ADGRL2: variants seen among roughly 807,000 people sequenced by gnomAD.
ADGRL2 encodes the protein calcium-independent alpha-latrotoxin receptor 2.
In ADGRL2, 44 loss-of-function variants were observed where a neutral mutation model predicts 157.4. The ratio of observed to expected loss-of-function variants is 0.28; its 90% CI spans 0.22 to 0.36. The LOEUF (loss-of-function observed/expected upper bound fraction) is 0.36. Ranked by LOEUF, ADGRL2 falls within the 10% of genes least tolerant of loss-of-function variation. The pLI is 1.00. For synonymous variants in ADGRL2, 585 were observed against 624.7 expected (o/e 0.94, Z 0.95); for missense variants, 1,510 against 1,768.9 (o/e 0.85, Z 2.63).
At chr1:81,644,370 T>C (rs12117862) in intron 3 of ADGRL2, among the ~76,000 whole-genome samples, 17,732 of 152,160 alleles carry the variant, frequency 0.12, 1,117 homozygotes, top group Middle Eastern at 0.16. Flanking sequence ...ATTGATAAAG[T>C]GGACTTCATT....
chr1:81,564,493 C>G (rs567567978), intron 2 of ADGRL2, among the ~76,000 whole-genome samples: 1 of 152,088 alleles, frequency 6.6e-6, no homozygotes, highest in Non-Finnish European at 1.5e-5. Flanking sequence ...ATCTATTGGC[C>G]GGAGCCTCCC....
intron 2 of ADGRL2, among the ~76,000 whole-genome samples, chr1:81,536,002 A>T (rs1273621914): frequency 6.6e-6 from 1 of 152,240 alleles, no homozygotes; most frequent in African/African-American, 2.4e-5. Flanking sequence ...ATTTACACAG[A>T]TTCAATCATG....
chr1:81,536,571 C>T (rs1343826957), intron 2 of ADGRL2, among the ~76,000 whole-genome samples: 3 of 152,172 alleles, frequency 2.0e-5, no homozygotes, highest in Admixed American at 6.5e-5. Context: ...TGCTTTGACT[C>T]TCAGAAACTC....
In ADGRL2 at chr1:81,943,453, C is replaced by T. The variant is rs1226999994; in HGVS notation, c.894C>T (p.Tyr298=). The change falls in exon 6 of 24, where the codon TAC becomes TAT. Residue 298 remains tyrosine, a synonymous_variant. Coordinates refer to ENST00000686636, the MANE Select transcript of ADGRL2 (RefSeq NM_001366006.2). This position sits in a 1 kb window ranked among gnomAD's most constrained non-coding sequence, Gnocchi z 5.6. ...TAGTTATTAGCCAGCTGAATCCATA[C>T]ACTCTTCGATTTGAAGCAACGTGGG... ...GMIVISQLNP[Y]TLRFEATWET... 6.2e-7 allele frequency: 1 copy of T among 1,613,582 alleles called. No homozygotes were observed. The highest frequency in any genetic ancestry group is 8.5e-7 in the Non-Finnish European group (1 of 1,179,752).
At chr1:81,581,675 A>C (rs891131790) in intron 3 of ADGRL2, among the ~76,000 whole-genome samples, 1 of 152,158 alleles carries the variant, frequency 6.6e-6, no homozygotes, top group African/African-American at 2.4e-5. Context: ...AAAATCTCTA[A>C]TATTACATGA....
chr1:81,355,087 A>G (rs1347917099), intron 1 of ADGRL2, among the ~76,000 whole-genome samples: 2 of 152,198 alleles, frequency 1.3e-5, no homozygotes, highest in African/African-American at 4.8e-5. Context: ...GTTTTAATAA[A>G]TCCCAATGTT....
chr1:81,503,149 C>A (rs1180743030), intron 2 of ADGRL2: 9 of 1,614,138 alleles, frequency 5.6e-6, no homozygotes, highest in Non-Finnish European at 7.6e-6. Flanking sequence ...GGCCTTCCAG[C>A]GCAACTTTTT....
chr1:81,403,277 G>C (rs1345588491), intron 1 of ADGRL2, among the ~76,000 whole-genome samples: 2 of 148,810 alleles, frequency 1.3e-5, no homozygotes, highest in Admixed American at 6.7e-5. Flanking sequence ...TTTGTTTTTT[G>C]TTTTTGAGAC....
At chr1:81,704,191 C>T (rs1057152275) in intron 1 of ADGRL2, among the ~76,000 whole-genome samples, 1 of 152,204 alleles carries the variant, frequency 6.6e-6, no homozygotes, top group Non-Finnish European at 1.5e-5. Flanking sequence ...CAGCCATCTC[C>T]TAAAAACCAG....
chr1:81,953,284 A>G (rs1652436919), intron 10 of ADGRL2, among the ~76,000 whole-genome samples: 1 of 152,184 alleles, frequency 6.6e-6, no homozygotes, highest in South Asian at 2.1e-4. Flanking sequence ...ATTGGAAAGT[A>G]ATTATGTAGT....
In ADGRL2 at chr1:81,950,182, T is replaced by G; in HGVS notation, c.1211-7T>G. On this transcript the variant is annotated splice_region_variant and splice_polypyrimidine_tract_variant and intron_variant, in intron 6 of 23. Coordinates refer to ENST00000686636, the MANE Select transcript of ADGRL2 (RefSeq NM_001366006.2). ...TTGAGATTAATATACTCATCTTTTT[T>G]CCATAGTGCCTACCACAGCTGTGAC... 1 of 1,611,872 alleles carries G rather than the reference T, an allele frequency of 6.2e-7. No homozygotes were observed. Among genetic ancestry groups the G allele is most frequent in the East Asian group, 2.2e-5 (1 of 44,848 alleles).
intron 3 of ADGRL2, among the ~76,000 whole-genome samples, chr1:81,924,101 G>T (rs959464756): frequency 6.6e-6 from 1 of 152,150 alleles, no homozygotes; most frequent in Non-Finnish European, 1.5e-5. Flanking sequence ...AGCATCATTT[G>T]TATTGGCTTT....
chr1:81,356,953 A>AAAAAAAG (rs1663352198), intron 1 of ADGRL2, among the ~76,000 whole-genome samples: 1 of 53,876 alleles, frequency 1.9e-5, no homozygotes, highest in South Asian at 4.8e-4. Flanking sequence ...ACTCCGTCTC[A>AAAAAAAG]AAAAAAAAAA....
intron 2 of ADGRL2, among the ~76,000 whole-genome samples, chr1:81,544,881 G>A (rs2079974687): frequency 6.6e-6 from 1 of 152,144 alleles, no homozygotes; most frequent in African/African-American, 2.4e-5. Flanking sequence ...TTCTAATTCT[G>A]CACGAACTCT....
intron 2 of ADGRL2, among the ~76,000 whole-genome samples, chr1:81,558,812 C>A (rs2080374591): frequency 6.6e-6 from 1 of 152,114 alleles, no homozygotes; most frequent in Admixed American, 6.5e-5. Flanking sequence ...AACCTGAAAG[C>A]AAGTACAGAT....
intron 1 of ADGRL2, among the ~76,000 whole-genome samples, chr1:81,429,072 G>A (rs2077272078): frequency 6.6e-6 from 1 of 151,866 alleles, no homozygotes; most frequent in South Asian, 2.1e-4. Flanking sequence ...TAAGAAATTT[G>A]AAATTCTCAC....
intron 1 of ADGRL2, among the ~76,000 whole-genome samples, chr1:81,407,075 C>T (rs1354483436): frequency 1.3e-5 from 2 of 152,150 alleles, no homozygotes; most frequent in Admixed American, 1.3e-4. Flanking sequence ...GATATATTTC[C>T]TCCCGTCTCC....
At chr1:81,565,429 G>A (rs951908141) in intron 2 of ADGRL2, among the ~76,000 whole-genome samples, 5 of 152,254 alleles carry the variant, frequency 3.3e-5, no homozygotes, top group African/African-American at 9.6e-5. Context: ...TATTCAAAGC[G>A]CTATGAGTAT....
chr1:81,347,151 C>A (rs891693402), intron 1 of ADGRL2, among the ~76,000 whole-genome samples: 2 of 152,148 alleles, frequency 1.3e-5, no homozygotes, highest in African/African-American at 4.8e-5. Context: ...GTAATCTCAG[C>A]ACTTTGGGAG....
Sources: allele counts gnomAD v4.1 joint callset (sites outside exome capture counted in the v4.1 genomes callset), GRCh38; gene constraint gnomAD v4.1.1; non-coding constraint Gnocchi (gnomAD v3.1); transcripts MANE v1.5; gene names NCBI Gene and HGNC (gene_info 2026-07-23, HGNC 2026-07-21).